The following SPATA17 variants were observed in gnomAD, a reference collection of about 807,000 sequenced individuals.
The protein encoded by SPATA17 is spermatogenesis-associated protein 17.
Under a neutral mutation model 62.2 loss-of-function variants are expected in SPATA17, and 53 were observed. The observed-to-expected ratio is 0.85, with a 90% CI of 0.68 to 1.07. The LOEUF is 1.07. SPATA17 is among the 50% of genes least tolerant of loss of function. The pLI is 0.00. For synonymous variants in SPATA17, 146 were observed against 146.8 expected (o/e 0.99, Z 0.04); for missense variants, 466 against 425.5 (o/e 1.10, Z -0.84).
intron 8 of SPATA17, among the ~76,000 whole-genome samples, chr1:217,797,659 T>G (rs1674182386): frequency 6.6e-6 from 1 of 152,196 alleles, no homozygotes; most frequent in African/African-American, 2.4e-5. Flanking sequence ...GTTGATTCAT[T>G]TATTAAATTA....
intron 5 of SPATA17, among the ~76,000 whole-genome samples, chr1:217,704,817 A>T (rs907886997): frequency 6.6e-6 from 1 of 152,050 alleles, no homozygotes; most frequent in Admixed American, 6.6e-5. Flanking sequence ...ATGGGCATCT[A>T]GGTTGATTCC....
intron 5 of SPATA17, among the ~76,000 whole-genome samples, chr1:217,717,379 A>G (rs1211709629): frequency 1.3e-5 from 2 of 152,158 alleles, no homozygotes; most frequent in Non-Finnish European, 2.9e-5. Flanking sequence ...GAAGGCTGAA[A>G]GAGATGGATC....
At chr1:217,657,973 C>G (rs1670479306) in intron 3 of SPATA17, among the ~76,000 whole-genome samples, 1 of 152,088 alleles carries the variant, frequency 6.6e-6, no homozygotes, top group African/African-American at 2.4e-5. Flanking sequence ...GAGGAAAAGC[C>G]CCCTATAAAA....
At chr1:217,727,022 C>T (rs1021022560) in intron 5 of SPATA17, among the ~76,000 whole-genome samples, 54 of 151,600 alleles carry the variant, frequency 3.6e-4, no homozygotes, top group African/African-American at 1.3e-3. Flanking sequence ...CTGAGGCGGG[C>T]GGATCACCTG....
chr1:217,846,180 G>A (rs1675523767), intron 9 of SPATA17, among the ~76,000 whole-genome samples: 1 of 151,992 alleles, frequency 6.6e-6, no homozygotes, highest in Non-Finnish European at 1.5e-5. Flanking sequence ...TGGGATTCTA[G>A]ATATATCATT....
chr1:217,744,003 G>T (rs1192776550), intron 6 of SPATA17, among the ~76,000 whole-genome samples: 1 of 151,728 alleles, frequency 6.6e-6, no homozygotes, highest in Non-Finnish European at 1.5e-5. Context: ...GATTTAGAAA[G>T]TCCATGAAGA....
intron 8 of SPATA17, among the ~76,000 whole-genome samples, chr1:217,784,456 TAGA>T (rs1171679433): frequency 1.3e-5 from 2 of 152,154 alleles, no homozygotes; most frequent in African/African-American, 2.4e-5. Flanking sequence ...TGTGTTATAG[TAGA>T]AGTAGTATGA....
intron 9 of SPATA17, among the ~76,000 whole-genome samples, chr1:217,855,726 A>G (rs1284114376): frequency 2.1e-5 from 1 of 47,234 alleles, no homozygotes; most frequent in Non-Finnish European, 4.1e-5. Context: ...GACAGAAGGA[A>G]CTATTTTTTT....
At chr1:217,825,668 A>G (rs1674983725) in intron 9 of SPATA17, among the ~76,000 whole-genome samples, 3 of 151,982 alleles carry the variant, frequency 2.0e-5, no homozygotes, top group African/African-American at 7.2e-5. Context: ...GGATTTTAGG[A>G]TATTTACATC....
chr1:217,746,994 A>T (rs963833461), intron 6 of SPATA17, among the ~76,000 whole-genome samples: 1 of 152,036 alleles, frequency 6.6e-6, no homozygotes, highest in African/African-American at 2.4e-5. Flanking sequence ...TATATTTCCC[A>T]GAAAATACTA....
chr1:217,673,568 A>G (rs1259410507), intron 4 of SPATA17, among the ~76,000 whole-genome samples: 1 of 152,142 alleles, frequency 6.6e-6, no homozygotes, highest in Admixed American at 6.5e-5. Flanking sequence ...TTCTTTGAAC[A>G]GCTGTTAATA....
chr1:217,639,296 C>G (rs1398525099), intron 1 of SPATA17, among the ~76,000 whole-genome samples: 1 of 152,080 alleles, frequency 6.6e-6, no homozygotes, highest in Non-Finnish European at 1.5e-5. Flanking sequence ...ACAATAATTA[C>G]TAATGATTCA....
At chr1:217,775,320 T>C (rs1319759988) in intron 7 of SPATA17, among the ~76,000 whole-genome samples, 1 of 152,200 alleles carries the variant, frequency 6.6e-6, no homozygotes, top group East Asian at 1.9e-4. Context: ...CTATATATTC[T>C]GGGTATTCAT....
At chr1:217,791,898 A>G (rs889358641) in intron 8 of SPATA17, among the ~76,000 whole-genome samples, 4 of 152,138 alleles carry the variant, frequency 2.6e-5, no homozygotes, top group Admixed American at 1.3e-4. Flanking sequence ...GACTTGCCAT[A>G]GAACTGAGAC....
intron 6 of SPATA17, among the ~76,000 whole-genome samples, chr1:217,763,929 G>A (rs1369523120): frequency 1.3e-5 from 2 of 152,122 alleles, no homozygotes; most frequent in African/African-American, 4.8e-5. Context: ...TTTTAGAGCA[G>A]TTTTAGATTT....
At chr1:217,741,564 G>A (rs1672625744) in intron 5 of SPATA17, among the ~76,000 whole-genome samples, 1 of 152,058 alleles carries the variant, frequency 6.6e-6, no homozygotes, top group Non-Finnish European at 1.5e-5. Context: ...TTAGTTAGTA[G>A]GCAAAATAAA....
intron 5 of SPATA17, among the ~76,000 whole-genome samples, chr1:217,722,433 C>T (rs1672153985): frequency 1.3e-5 from 2 of 151,664 alleles, no homozygotes; most frequent in Non-Finnish European, 2.9e-5. Context: ...AAAAATAATA[C>T]AATATTATAA....
intron 8 of SPATA17, among the ~76,000 whole-genome samples, chr1:217,790,341 G>C (rs1210254505): frequency 6.6e-6 from 1 of 152,130 alleles, no homozygotes; most frequent in East Asian, 1.9e-4. Context: ...AAGGGACTCG[G>C]GATTTTCCTT....
chr1:217,758,676 C>T (rs914423005), intron 6 of SPATA17, among the ~76,000 whole-genome samples: 5 of 151,952 alleles, frequency 3.3e-5, no homozygotes, highest in African/African-American at 4.8e-5. Context: ...TAGAGCCTTG[C>T]GTGATTAACA....
Sources: allele counts gnomAD v4.1 joint callset (sites outside exome capture counted in the v4.1 genomes callset), GRCh38; gene constraint gnomAD v4.1.1; transcripts MANE v1.5; gene names NCBI Gene and HGNC (gene_info 2026-07-23, HGNC 2026-07-21).